The following VAV2 variants were observed in gnomAD, a reference collection of about 807,000 sequenced individuals.
VAV2 encodes vav guanine nucleotide exchange factor 2.
VAV2 carries 67 observed loss-of-function variants against 132.5 expected under a neutral mutation model. The ratio of observed to expected loss-of-function variants is 0.51; its 90% CI spans 0.42 to 0.62. The LOEUF is 0.62. Among genes scored for constraint, VAV2 ranks in the 20% least tolerant of loss-of-function variants. The pLI is 0.00. For synonymous variants in VAV2, 492 were observed against 443.5 expected (o/e 1.11, Z -1.37); for missense variants, 938 against 1,153.6 (o/e 0.81, Z 2.71).
Position 133,814,089 on chromosome 9 carries a change from C to T in VAV2, c.450-1873G>A, listed in dbSNP as rs567717878. ...GAACTGAAGCCGGGGTAAAGGCAGCCGTCAGACGGGTTGGGCCCACATTCT... is the reference window on the plus strand; with the variant it reads ...GAACTGAAGCCGGGGTAAAGGCAGCTGTCAGACGGGTTGGGCCCACATTCT... On this transcript the variant is annotated intron_variant, in intron 4 of 29. Transcript: ENST00000371850. Among the ~76,000 whole-genome samples the T allele has an allele frequency of 2.2e-4, 34 of 152,310 alleles. No individual in the cohort carries two copies. The East Asian group carries it at 4.1e-3, about 18-fold the overall frequency.
chr9:133,817,831 G>A (rs749065435), intron 4 of VAV2, among the ~76,000 whole-genome samples: 15 of 151,984 alleles, frequency 9.9e-5, no homozygotes, highest in East Asian at 3.9e-4. Context: ...TTCATTTGTC[G>A]TACGTTTTCC....
At chr9:133,973,102 C>A (rs946804172) in intron 1 of VAV2, among the ~76,000 whole-genome samples, 1 of 151,892 alleles carries the variant, frequency 6.6e-6, no homozygotes, top group Non-Finnish European at 1.5e-5. Flanking sequence ...ACCAAGGCAG[C>A]GGGCAGTGAA....
intron 2 of VAV2, among the ~76,000 whole-genome samples, chr9:133,882,821 T>C (rs2131944155): frequency 6.6e-6 from 1 of 152,022 alleles, no homozygotes; most frequent in East Asian, 1.9e-4. Flanking sequence ...CTGGGGCCCC[T>C]GAACCCCTGC....
At chr9:133,908,988 C>A (rs572424980) in intron 2 of VAV2, among the ~76,000 whole-genome samples, 1 of 152,192 alleles carries the variant, frequency 6.6e-6, no homozygotes. Context: ...CAGGGACCCA[C>A]GAGGAATGAT....
intron 2 of VAV2, among the ~76,000 whole-genome samples, chr9:133,875,897 G>A (rs1438504044): frequency 6.6e-6 from 1 of 152,218 alleles, no homozygotes; most frequent in Non-Finnish European, 1.5e-5. Flanking sequence ...TATAGCAGAC[G>A]CCTCCCGTGC....
At chr9:133,899,576 C>CA (rs1298080174) in intron 2 of VAV2, among the ~76,000 whole-genome samples, 30 of 151,322 alleles carry the variant, frequency 2.0e-4, no homozygotes, top group Admixed American at 4.6e-4. Context: ...CCACCATACC[C>CA]AGCTAATTTT....
Position 133,834,359 on chromosome 9 carries a change from G to C in VAV2, c.381-19C>G. 1.2e-6 allele frequency: 2 copies of C among 1,608,974 alleles called. No homozygotes were observed. Among genetic ancestry groups the C allele is most frequent in the Non-Finnish European group, 1.7e-6 (2 of 1,177,650 alleles). On this transcript the variant is annotated intron_variant, in intron 3 of 29. Transcript: ENST00000371850. The surrounding 1 kb of genome is among the most constrained non-coding windows in gnomAD (Gnocchi z 5.9). ...AAAAGGCCTGCGGAAGAGAAGGCGAGAGGGAGGTGAGCAGGTCCCGGCACT... is the reference window on the plus strand; with the variant it reads ...AAAAGGCCTGCGGAAGAGAAGGCGACAGGGAGGTGAGCAGGTCCCGGCACT...
chr9:133,915,379 G>A (rs2428083), intron 2 of VAV2, among the ~76,000 whole-genome samples: 119,971 of 152,232 alleles, frequency 0.79, 51,949 homozygotes, highest in Non-Finnish European at 0.96. Flanking sequence ...ACGATCTGGC[G>A]TTCTACAGAC....
chr9:133,810,295 AC>A, intron 5 of VAV2, 90 bp from the exon 6 acceptor site: 2 of 1,584,444 alleles, frequency 1.3e-6, no homozygotes, highest in Non-Finnish European at 8.6e-7. Flanking sequence ...CAGGAACGCC[AC>A]CCCACAACCA....
In VAV2 at chr9:133,802,609, C is replaced by T. The variant is rs1229221356; in HGVS notation, c.836+3472G>A. ...TTCCCTTGCTCGTGAGTTGACAGAC[C>T]CGTGGCCCGAGCTCCGTGGGTATTT... On this transcript the variant is annotated intron_variant, in intron 9 of 29. Coordinates refer to ENST00000371850, the MANE Select transcript of VAV2 (RefSeq NM_001134398.2). The surrounding 1 kb of genome is among the most constrained non-coding windows in gnomAD (Gnocchi z 5.8). Among the ~76,000 whole-genome samples the T allele has an allele frequency of 2.6e-5, 4 of 152,160 alleles. No homozygotes were observed. The highest frequency in any genetic ancestry group is 5.9e-5 in the Non-Finnish European group (4 of 68,036).
chr9:133,937,198 CTGTG>C lies in VAV2; in HGVS notation c.321+1901_321+1904del, dbSNP rs574712090. On this transcript the variant is annotated intron_variant, in intron 2 of 29. Transcript: ENST00000371850. Reference sequence around the variant, plus strand: ...TCTAAGTATGTGTGTACATGTGAGACTGTGTGTGTGTGAATGTGTGTGATATGTC... The same window carrying C: ...TCTAAGTATGTGTGTACATGTGAGACTGTGTGTGAATGTGTGTGATATGTC... Among the ~76,000 whole-genome samples, 324 of 152,086 alleles carry C rather than the reference CTGTG, an allele frequency of 2.1e-3. 2 individuals carry two copies. Among genetic ancestry groups the C allele is most frequent in the African/African-American group, 7.4e-3 (308 of 41,454 alleles).
chr9:133,872,630 G>A (rs1838102560), intron 2 of VAV2, among the ~76,000 whole-genome samples: 1 of 152,046 alleles, frequency 6.6e-6, no homozygotes, highest in Admixed American at 6.5e-5. Flanking sequence ...TGTGCACCTT[G>A]GGACCCGGGG....
intron 1 of VAV2, among the ~76,000 whole-genome samples, chr9:133,952,647 C>A (rs1348513680): frequency 1.3e-5 from 2 of 151,998 alleles, no homozygotes; most frequent in East Asian, 3.9e-4. Flanking sequence ...TAAGATAATC[C>A]CAGATTACCC....
chr9:133,968,636 G>A (rs1405775720), intron 1 of VAV2, among the ~76,000 whole-genome samples: 1 of 152,174 alleles, frequency 6.6e-6, no homozygotes, highest in Non-Finnish European at 1.5e-5. Context: ...GGGGCTGCCT[G>A]GGGACATCCT....
intron 1 of VAV2, among the ~76,000 whole-genome samples, chr9:133,986,059 A>T (rs1842848471): frequency 6.6e-6 from 1 of 152,194 alleles, no homozygotes; most frequent in Non-Finnish European, 1.5e-5. Context: ...AGGAGAAGCA[A>T]ATATCAAGAT....
At position 133,919,849 on chromosome 9, in the gene VAV2, C is replaced by T. The variant is rs1435747050; in HGVS notation, c.321+19254G>A. 6.6e-6 allele frequency among the ~76,000 whole-genome samples: 1 copy of T among 152,184 alleles called. No individual in the cohort carries two copies. Among genetic ancestry groups the T allele is most frequent in the African/African-American group, 2.4e-5 (1 of 41,440 alleles). On this transcript the variant is annotated intron_variant, in intron 2 of 29. Coordinates refer to ENST00000371850, the MANE Select transcript of VAV2 (RefSeq NM_001134398.2). The surrounding 1 kb of genome is among the most constrained non-coding windows in gnomAD (Gnocchi z 5.8). ...TGCCGCCCCGGCCACCCCTGCCTCA[C>T]CCACCACCCAACCGCATGTCCTCCG... is the stretch of plus-strand genomic sequence containing the variant.
At chr9:133,776,206 A>G in intron 23 of VAV2, 126 bp from the exon 24 acceptor site, 1 of 1,340,768 alleles carries the variant, frequency 7.5e-7, no homozygotes, top group South Asian at 1.6e-5. Context: ...CTGTCTGTGG[A>G]CTTAGCCCCA....
At chr9:133,932,606 A>C (rs1017799323) in intron 2 of VAV2, among the ~76,000 whole-genome samples, 41 of 152,342 alleles carry the variant, frequency 2.7e-4, no homozygotes, top group African/African-American at 8.4e-4. Flanking sequence ...CCTTTACAGC[A>C]ACACCTCCAA....
At position 133,804,296 on chromosome 9, in the gene VAV2, C is replaced by T. The variant is rs1227981966; in HGVS notation, c.836+1785G>A. Among the ~76,000 whole-genome samples, 1 of 152,228 alleles carries T rather than the reference C, an allele frequency of 6.6e-6. No homozygotes were observed. Among genetic ancestry groups the T allele is most frequent in the African/African-American group, 2.4e-5 (1 of 41,462 alleles). On this transcript the variant is annotated intron_variant, in intron 9 of 29. Coordinates refer to ENST00000371850, the MANE Select transcript of VAV2 (RefSeq NM_001134398.2). The surrounding 1 kb of genome is among the most constrained non-coding windows in gnomAD (Gnocchi z 4.5). ...GCTGACAGCCCCTTCCCCAAACAGA[C>T]CCCGACTGACGGATCTCGCCACACG...
Sources: gnomAD v4.1 joint callset for allele counts (sites outside exome capture counted in the v4.1 genomes callset) on GRCh38, gnomAD v4.1.1 for gene constraint, Gnocchi (gnomAD v3.1) non-coding constraint, MANE v1.5 for transcripts, NCBI Gene and HGNC (gene_info 2026-07-23, HGNC 2026-07-21) for gene names.